The following PTPRU variants were observed in gnomAD, a reference collection of about 807,000 sequenced individuals.
The protein encoded by PTPRU is receptor-type tyrosine-protein phosphatase U.
In PTPRU, 69 loss-of-function variants were observed where a neutral mutation model predicts 166.3. The observed-to-expected ratio is 0.41, with a 90% CI of 0.34 to 0.51. The LOEUF is 0.51. Ranked by LOEUF, PTPRU falls within the 20% of genes least tolerant of loss-of-function variation. The pLI, the probability that PTPRU is intolerant of heterozygous loss-of-function variation, is 0.09. For missense variants in PTPRU, 1,657 were observed against 2,013.7 expected (o/e 0.82, Z 3.39); for synonymous variants, 793 against 814.0 (o/e 0.97, Z 0.44).
Position 29,258,735 on chromosome 1 carries a change from G to A in PTPRU, c.436G>A (p.Ala146Thr). Residue 146 changes from alanine to threonine, a missense_variant, in exon 3 of 30, where the codon GCT becomes ACT. By Grantham distance (58) the Ala-to-Thr change is moderately conservative. Around this residue, in one of 3 missense-constraint regions of PTPRU, gnomAD observed 453 missense variants for 496.9 expected, o/e 0.91. Transcript: ENST00000373779. ...TGSHGRQWHQ[A>T]ELAVSTFWPN... The stretch of plus-strand genomic sequence containing the variant: ...ATCCCACGGCCGTCAGTGGCACCAG[G>A]CTGAGCTGGCTGTCAGCACTTTCTG... 6.2e-7 allele frequency: 1 copy of A among 1,601,318 alleles called. No individual in the cohort carries two copies. The highest frequency in any genetic ancestry group is 8.5e-7 in the Non-Finnish European group (1 of 1,172,682).
intron 25 of PTPRU, among the ~76,000 whole-genome samples, chr1:29,318,553 T>C (rs2151969749): frequency 6.6e-6 from 1 of 152,314 alleles, no homozygotes; most frequent in East Asian, 1.9e-4. Context: ...CCTATTCCTC[T>C]GCCACACTGG....
intron 8 of PTPRU, among the ~76,000 whole-genome samples, chr1:29,278,454 C>T (rs1452832097): frequency 6.6e-6 from 1 of 152,180 alleles, no homozygotes; most frequent in African/African-American, 2.4e-5. Flanking sequence ...CAAAGCCATG[C>T]CTGCAAGTGT....
chr1:29,255,260 G>T lies in PTPRU; in HGVS notation c.74-15G>T. ...CCCTGCCTTAGCCTGGGCTAACCAGGCCCTGCTCTCACAGCTGGCTGCACC... is the reference window on the plus strand; with the variant it reads ...CCCTGCCTTAGCCTGGGCTAACCAGTCCCTGCTCTCACAGCTGGCTGCACC... On this transcript the variant is annotated splice_polypyrimidine_tract_variant and intron_variant, in intron 1 of 29. Transcript: ENST00000373779. The T allele has an allele frequency of 6.2e-7, 1 of 1,612,142 alleles. No homozygotes were observed. Among genetic ancestry groups the T allele is most frequent in the Non-Finnish European group, 8.5e-7 (1 of 1,178,736 alleles).
chr1:29,253,956 C>A (rs1684661987), intron 1 of PTPRU, among the ~76,000 whole-genome samples: 1 of 152,178 alleles, frequency 6.6e-6, no homozygotes, highest in Non-Finnish European at 1.5e-5. Flanking sequence ...GAAAGAGAAG[C>A]CACCTGCCCC....
intron 5 of PTPRU, 74 bp from the exon 6 acceptor site, chr1:29,259,796 G>A: frequency 7.0e-7 from 1 of 1,437,960 alleles, no homozygotes; most frequent in South Asian, 1.4e-5. Context: ...ACGGCTAAAT[G>A]GGGCCCGGGT....
chr1:29,258,637 G>T lies in PTPRU; in HGVS notation c.338G>T (p.Ser113Ile), dbSNP rs1417761202. ...SYFLYSRDGH[S>I]PGTLGVYVRV... ...TTCCTGTACAGCCGGGACGGGCACA[G>T]CCCGGGCACCCTGGGCGTCTACGTG... is the stretch of plus-strand genomic sequence containing the variant. The change falls in exon 3 of 30, where the codon AGC (serine) becomes ATC (isoleucine). Residue 113 changes from serine (S) to isoleucine (I), a missense_variant. Physicochemically the swap from Ser to Ile is moderately radical, Grantham distance 142 (BLOSUM62 -2). This residue lies in a region of PTPRU where 453 missense variants were observed against 496.9 expected (regional missense o/e 0.91). Transcript: ENST00000373779. 1 of 1,614,148 alleles carries T rather than the reference G, an allele frequency of 6.2e-7. No homozygotes were observed. Among genetic ancestry groups the T allele is most frequent in the Non-Finnish European group, 8.5e-7 (1 of 1,180,052 alleles).
Position 29,311,831 on chromosome 1 carries a change from C to T in PTPRU, c.3072+72C>T. On this transcript the variant is annotated intron_variant, in intron 21 of 29. Coordinates refer to ENST00000373779, the MANE Select transcript of PTPRU (RefSeq NM_133178.4). This position sits in a 1 kb window ranked among gnomAD's most constrained non-coding sequence, Gnocchi z 4.1. ...GATTAGAGCCCACTCCCACTTCCCC[C>T]AGCCCTGGGAGCAGGAGGGTGAGGA... 4.2e-6 allele frequency: 6 copies of T among 1,433,172 alleles called. No individual in the cohort carries two copies. The highest frequency in any genetic ancestry group is 5.8e-6 in the Non-Finnish European group (6 of 1,029,272). The allele number at this position is 1,433,172 out of a possible 1,614,324, so 88.8% of individuals were successfully genotyped here.
chr1:29,299,216 C>T (rs1295246281), intron 15 of PTPRU, among the ~76,000 whole-genome samples: 1 of 152,190 alleles, frequency 6.6e-6, no homozygotes, highest in Non-Finnish European at 1.5e-5. Context: ...TTTTTCTGGG[C>T]CTCAGCCCTC....
chr1:29,289,527 A>G (rs895194017), intron 14 of PTPRU, among the ~76,000 whole-genome samples: 3 of 152,104 alleles, frequency 2.0e-5, no homozygotes, highest in African/African-American at 7.2e-5. Context: ...GAGCCTGACC[A>G]GGGAGGTCCT....
chr1:29,275,839 A>G, intron 8 of PTPRU, 83 bp downstream of exon 8: 1 of 1,457,322 alleles, frequency 6.9e-7, no homozygotes, highest in Non-Finnish European at 9.3e-7. Context: ...TACTGAGGGT[A>G]TTTTTTTCTT....
At chr1:29,259,829 G>A in intron 5 of PTPRU, 41 bp from the exon 6 acceptor site, 3 of 1,499,450 alleles carry the variant, frequency 2.0e-6, no homozygotes, top group Non-Finnish European at 2.7e-6. Flanking sequence ...GGGACCCCTC[G>A]CTCCGAGGCG....
chr1:29,289,569 C>T, intron 14 of PTPRU: 2 of 1,306,768 alleles, frequency 1.5e-6, no homozygotes, highest in Admixed American at 1.9e-5. Flanking sequence ...CCAGCCCCCT[C>T]CCCAGCCCGG....
chr1:29,270,323 T>C (rs1685505054), intron 7 of PTPRU, among the ~76,000 whole-genome samples: 1 of 152,142 alleles, frequency 6.6e-6, no homozygotes, highest in Non-Finnish European at 1.5e-5. Context: ...TTGTTTCTTT[T>C]TTTGACAGAG....
At chr1:29,252,271 C>CTTT (rs34153386) in intron 1 of PTPRU, among the ~76,000 whole-genome samples, 1 of 135,752 alleles carries the variant, frequency 7.4e-6, no homozygotes, top group Non-Finnish European at 1.5e-5. Context: ...TTTTTTCTTT[C>CTTT]TTTTTTTTTT....
intron 15 of PTPRU, 85 bp downstream of exon 15, chr1:29,292,111 T>C (rs1686670075): frequency 6.7e-7 from 1 of 1,487,550 alleles, no homozygotes; most frequent in Admixed American, 2.0e-5. Flanking sequence ...AGGTGAGTTC[T>C]GTAACACCTG....
chr1:29,289,283 G>A (rs1686507299), intron 14 of PTPRU, among the ~76,000 whole-genome samples: 1 of 152,106 alleles, frequency 6.6e-6, no homozygotes, highest in Admixed American at 6.5e-5. Context: ...CTGAATACAT[G>A]TGTATGCATG....
chr1:29,281,083 G>T (rs1486265182), intron 11 of PTPRU, among the ~76,000 whole-genome samples: 2 of 152,060 alleles, frequency 1.3e-5, no homozygotes, highest in Non-Finnish European at 1.5e-5. Flanking sequence ...TTCCACGAAG[G>T]TACATGCTCT....
rs758887375 is a variant in PTPRU at position 29,315,527 on chromosome 1, T to C, written c.3363+20T>C. On this transcript the variant is annotated intron_variant, in intron 23 of 29. Transcript: ENST00000373779. This position sits in a 1 kb window ranked among gnomAD's most constrained non-coding sequence, Gnocchi z 4.5. ...ACTGAGGTGCGGGGACCTGGCCCTGTCCCCACCATTATTACTTCTAGGACT... is the reference window on the plus strand; with the variant it reads ...ACTGAGGTGCGGGGACCTGGCCCTGCCCCCACCATTATTACTTCTAGGACT... The C allele has an allele frequency of 1.1e-5, 17 of 1,613,794 alleles. No individual in the cohort carries two copies. Among genetic ancestry groups the C allele is most frequent in the Non-Finnish European group, 1.4e-5 (16 of 1,179,952 alleles).
intron 14 of PTPRU, among the ~76,000 whole-genome samples, chr1:29,286,252 A>G (rs1157893703): frequency 6.6e-6 from 1 of 152,158 alleles, no homozygotes; most frequent in Non-Finnish European, 1.5e-5. Flanking sequence ...AAGAGAGACT[A>G]TTTTAAAGTA....
Sources: gnomAD v4.1 joint callset for allele counts (sites outside exome capture counted in the v4.1 genomes callset) on GRCh38, gnomAD v4.1.1 for gene constraint, gnomAD v4.1.1 regional missense constraint, Gnocchi (gnomAD v3.1) non-coding constraint, MANE v1.5 for transcripts, NCBI Gene and HGNC (gene_info 2026-07-23, HGNC 2026-07-21) for gene names.